Variants in MDFIC observed in about 807,000 individuals in gnomAD.
MDFIC encodes myoD family inhibitor domain-containing protein.
Under a neutral mutation model 23.2 loss-of-function variants are expected in MDFIC, and 17 were observed. The observed-to-expected ratio is 0.73, with a 90% CI of 0.50 to 1.10. The LOEUF is 1.10. MDFIC is among the 50% of genes least tolerant of loss of function. The pLI, the probability that MDFIC is intolerant of heterozygous loss-of-function variation, is 0.00. For missense variants in MDFIC, 356 were observed against 316.6 expected (o/e 1.12, Z -0.95); for synonymous variants, 120 against 115.2 (o/e 1.04, Z -0.27).
At chr7:114,989,888 C>T (rs1364503451) in intron 4 of MDFIC, among the ~76,000 whole-genome samples, 9 of 152,120 alleles carry the variant, frequency 5.9e-5, no homozygotes, top group Admixed American at 5.9e-4. Context: ...TTCCAAGTCT[C>T]TGACTTGTGT....
intron 2 of MDFIC, 49 bp from the exon 3 acceptor site, chr7:114,942,226 A>G: frequency 8.4e-7 from 1 of 1,192,766 alleles, no homozygotes; most frequent in East Asian, 2.8e-5. Flanking sequence ...AAAAAAGGAG[A>G]GAAAAATATA....
chr7:114,995,604 G>A (rs1002018773), intron 4 of MDFIC, among the ~76,000 whole-genome samples: 2 of 152,176 alleles, frequency 1.3e-5, no homozygotes, highest in South Asian at 4.1e-4. Flanking sequence ...GTTTGCTGGA[G>A]GTCCACTCCA....
At chr7:115,001,464 C>A (rs1002406231) in intron 4 of MDFIC, among the ~76,000 whole-genome samples, 1 of 152,064 alleles carries the variant, frequency 6.6e-6, no homozygotes, top group African/African-American at 2.4e-5. Context: ...GGGAAGGATG[C>A]AGAAATTGCA....
chr7:114,936,738 A>C (rs1792431975), intron 2 of MDFIC, among the ~76,000 whole-genome samples: 3 of 152,142 alleles, frequency 2.0e-5, no homozygotes. Flanking sequence ...TTTCCAACTG[A>C]ATATCTATCT....
intron 3 of MDFIC, among the ~76,000 whole-genome samples, chr7:114,943,340 C>G (rs1300448959): frequency 1.3e-5 from 2 of 152,006 alleles, no homozygotes; most frequent in Non-Finnish European, 2.9e-5. Context: ...CTACCTGTCT[C>G]TAACTGAAAA....
intron 2 of MDFIC, chr7:114,923,445 C>T: frequency 6.5e-7 from 1 of 1,537,266 alleles, no homozygotes; most frequent in Non-Finnish European, 8.7e-7. Context: ...GGTTCTGAAG[C>T]GCTTCTCCTC....
chr7:114,970,383 G>A (rs1350090172), intron 3 of MDFIC, among the ~76,000 whole-genome samples: 1 of 152,124 alleles, frequency 6.6e-6, no homozygotes, highest in East Asian at 1.9e-4. Flanking sequence ...TTTGTTGATT[G>A]CTTATCTATC....
chr7:114,942,631 A>C (rs1246558672), intron 3 of MDFIC, among the ~76,000 whole-genome samples: 1 of 152,216 alleles, frequency 6.6e-6, no homozygotes, highest in Non-Finnish European at 1.5e-5. Flanking sequence ...AACTCTTCTC[A>C]GAGAGATTCA....
At chr7:114,939,484 T>A (rs1016786394) in intron 2 of MDFIC, among the ~76,000 whole-genome samples, 2 of 152,234 alleles carry the variant, frequency 1.3e-5, no homozygotes, top group African/African-American at 4.8e-5. Flanking sequence ...AGATGGACAC[T>A]GGGAATCACC....
At position 114,932,121 on chromosome 7, in the gene MDFIC, A is replaced by C. The variant is rs138944085; in HGVS notation, c.94+8994A>C. ...CATGGGGATACAAGATAAAATTATT[A>C]AGCGTGGGAAAGTATAGGAGTTTAC... On this transcript the variant is annotated intron_variant, in intron 2 of 4. Coordinates refer to ENST00000393486, the MANE Select transcript of MDFIC (RefSeq NM_001166345.3). Among the ~76,000 whole-genome samples the C allele has an allele frequency of 4.6e-5, 7 of 152,318 alleles. No homozygotes were observed. The East Asian group carries it at 1.3e-3, about 29-fold the overall frequency.
At chr7:114,999,534 T>A (rs1291151452) in intron 4 of MDFIC, among the ~76,000 whole-genome samples, 1 of 152,066 alleles carries the variant, frequency 6.6e-6, no homozygotes, top group Admixed American at 6.6e-5. Flanking sequence ...TTAAATTACT[T>A]ACATATAGTG....
intron 4 of MDFIC, chr7:115,014,414 G>C: frequency 7.8e-7 from 1 of 1,289,406 alleles, no homozygotes; most frequent in Non-Finnish European, 1.0e-6. Flanking sequence ...ATTATAGCAT[G>C]GCTGCCAAGC....
intron 3 of MDFIC, among the ~76,000 whole-genome samples, chr7:114,976,073 A>G (rs1024408986): frequency 6.6e-6 from 1 of 152,142 alleles, no homozygotes; most frequent in Non-Finnish European, 1.5e-5. Context: ...GTAATTTGCA[A>G]ATAGTCAATT....
intron 4 of MDFIC, among the ~76,000 whole-genome samples, chr7:115,001,660 A>G (rs28445242): frequency 7.9e-4 from 120 of 152,328 alleles, no homozygotes; most frequent in African/African-American, 2.7e-3. Context: ...CTGTATGCCC[A>G]GGCCAGTGTG....
chr7:114,923,478 G>A, intron 2 of MDFIC: 1 of 1,537,824 alleles, frequency 6.5e-7, no homozygotes, highest in South Asian at 1.2e-5. Flanking sequence ...GCAGATCCAG[G>A]ACTGCCGCAG....
intron 4 of MDFIC, among the ~76,000 whole-genome samples, chr7:114,992,271 A>G (rs551673902): frequency 2.0e-5 from 3 of 152,278 alleles, no homozygotes; most frequent in African/African-American, 7.2e-5. Context: ...GGGTTTTCTA[A>G]ATATACAATT....
At chr7:114,939,421 A>G (rs1288614322) in intron 2 of MDFIC, among the ~76,000 whole-genome samples, 2 of 152,226 alleles carry the variant, frequency 1.3e-5, no homozygotes, top group Non-Finnish European at 2.9e-5. Flanking sequence ...ATTATTTACT[A>G]TTCATTGAAT....
In MDFIC at chr7:114,989,064, G is replaced by A. The variant is rs188936258; in HGVS notation, c.493+9283G>A. ...CAGATAGACAGTAAGTCAGAGTAAGGCCATACTGATAAAATAGCCTAGAGG... is the reference window on the plus strand; with the variant it reads ...CAGATAGACAGTAAGTCAGAGTAAGACCATACTGATAAAATAGCCTAGAGG... On this transcript the variant is annotated intron_variant, in intron 4 of 4. Transcript: ENST00000393486. 2.5e-3 allele frequency among the ~76,000 whole-genome samples: 387 copies of A among 152,156 alleles called. 1 individual carries two copies. The highest frequency in any genetic ancestry group is 3.4e-3 in the Non-Finnish European group (233 of 67,992).
rs191845752 is a variant in MDFIC, at chr7:114,991,938, G to A, written c.493+12157G>A. 3.1e-4 allele frequency among the ~76,000 whole-genome samples: 47 copies of A among 152,312 alleles called. 1 individual carries two copies. The highest frequency in any genetic ancestry group is 4.7e-4 in the Non-Finnish European group (32 of 68,030). Reference sequence around the variant, plus strand: ...GGCATTGAATCTATAAGTTACCTTAGGCAGTATGGCCATTTTCACAATATT... The same window carrying A: ...GGCATTGAATCTATAAGTTACCTTAAGCAGTATGGCCATTTTCACAATATT... On this transcript the variant is annotated intron_variant, in intron 4 of 4. Transcript: ENST00000393486.
Sources: allele counts gnomAD v4.1 joint callset (sites outside exome capture counted in the v4.1 genomes callset), GRCh38; gene constraint gnomAD v4.1.1; transcripts MANE v1.5; gene names NCBI Gene and HGNC (gene_info 2026-07-23, HGNC 2026-07-21).